The following DAB1 variants were observed in gnomAD, a reference collection of about 807,000 sequenced individuals.
DAB1 encodes the protein disabled homolog 1.
A neutral mutation model predicts 64.6 loss-of-function variants in DAB1; 15 were observed. That is an observed-to-expected ratio of 0.23 (90% CI 0.16 to 0.36). DAB1 has a LOEUF of 0.36. Among genes scored for constraint, DAB1 ranks in the 10% least tolerant of loss-of-function variants. The pLI is 1.00. For missense variants in DAB1, 596 were observed against 706.7 expected, an observed-to-expected ratio of 0.84 and a Z score of 1.78; for synonymous variants, 235 against 251.9, an observed-to-expected ratio of 0.93 and a Z score of 0.64.
intron 6 of DAB1, among the ~76,000 whole-genome samples, chr1:57,652,462 G>A (rs1375616455): frequency 2.0e-5 from 3 of 152,052 alleles, no homozygotes; most frequent in East Asian, 3.9e-4. Flanking sequence ...CCAGTCTTCC[G>A]TTAGCTGGCT....
chr1:57,513,122 G>A (rs971490477), intron 7 of DAB1, among the ~76,000 whole-genome samples: 2 of 148,624 alleles, frequency 1.3e-5, no homozygotes, highest in Non-Finnish European at 3.0e-5. Flanking sequence ...TTTAGGCACT[G>A]GTTCGTCTGA....
intron 2 of DAB1, among the ~76,000 whole-genome samples, chr1:57,225,662 G>A (rs1028293193): frequency 6.6e-6 from 1 of 152,172 alleles, no homozygotes; most frequent in Non-Finnish European, 1.5e-5. Flanking sequence ...AGATTGCAAT[G>A]TATTACTGTA....
At chr1:57,181,907 A>T (rs891456639) in intron 2 of DAB1, among the ~76,000 whole-genome samples, 1 of 152,176 alleles carries the variant, frequency 6.6e-6, no homozygotes, top group East Asian at 1.9e-4. Flanking sequence ...TTGTTTTGAG[A>T]TGGAGTCTCG....
chr1:57,985,661 G>T lies in DAB1; in HGVS notation n.388-101499C>A, dbSNP rs564193232. Among the ~76,000 whole-genome samples the T allele has an allele frequency of 2.6e-5, 4 of 151,432 alleles. No individual in the cohort carries two copies. In the East Asian group the frequency reaches 5.8e-4, roughly 22 times the overall value. ...CCCTCAAGAAAGAAAAAAAAAAAATGGCTGTGAGTATTAGCCACACTGGAG... is the reference window on the plus strand; with the variant it reads ...CCCTCAAGAAAGAAAAAAAAAAAATTGCTGTGAGTATTAGCCACACTGGAG... On this transcript the variant is annotated intron_variant and non_coding_transcript_variant, in intron 5 of 20. Transcript: ENST00000485760.
chr1:57,115,189 G>A (rs1656002578), intron 4 of DAB1, among the ~76,000 whole-genome samples: 2 of 152,306 alleles, frequency 1.3e-5, no homozygotes, highest in South Asian at 4.1e-4. Flanking sequence ...TTGTGGCTAA[G>A]AGGGTAGGCT....
At chr1:57,060,636 A>T (rs545992307) in intron 9 of DAB1, among the ~76,000 whole-genome samples, 1 of 152,188 alleles carries the variant, frequency 6.6e-6, no homozygotes, top group Non-Finnish European at 1.5e-5. Flanking sequence ...GTTCAGAGCG[A>T]AAGTCCAGAA....
At chr1:57,757,177 T>C (rs1648848225) in intron 6 of DAB1, among the ~76,000 whole-genome samples, 1 of 144,776 alleles carries the variant, frequency 6.9e-6, no homozygotes, top group Non-Finnish European at 1.5e-5. Context: ...GTGAGGTCCA[T>C]GCTGCTGGCC....
chr1:57,021,943 C>A (rs779266592), intron 11 of DAB1, among the ~76,000 whole-genome samples: 1 of 152,150 alleles, frequency 6.6e-6, no homozygotes, highest in Non-Finnish European at 1.5e-5. Flanking sequence ...CTTACACCTG[C>A]CCTCTGCCTG....
intron 9 of DAB1, among the ~76,000 whole-genome samples, chr1:57,051,079 G>A (rs1414050231): frequency 6.6e-6 from 1 of 152,132 alleles, no homozygotes; most frequent in African/African-American, 2.4e-5. Flanking sequence ...TTTTAATGTT[G>A]CTGTTAACTC....
At chr1:58,029,064 T>G (rs1239303768) in intron 5 of DAB1, among the ~76,000 whole-genome samples, 1 of 152,146 alleles carries the variant, frequency 6.6e-6, no homozygotes, top group Non-Finnish European at 1.5e-5. Context: ...CATAAAGGGT[T>G]GTTATAAGAA....
chr1:57,291,038 A>T lies in DAB1; in HGVS notation c.-8T>A. The T allele has an allele frequency of 6.2e-7, 1 of 1,608,234 alleles. No homozygotes were observed. The highest frequency in any genetic ancestry group is 2.2e-5 in the East Asian group (1 of 44,658). On this transcript the variant is annotated 5_prime_UTR_variant, in exon 2 of 15. Coordinates refer to ENST00000371236, the MANE Select transcript of DAB1 (RefSeq NM_001365792.1). ...TTCTGTCTCAGTTGACATCCTACTTAATCCTTAGTCCACTTCACACAGATC... is the reference window on the plus strand; with the variant it reads ...TTCTGTCTCAGTTGACATCCTACTTTATCCTTAGTCCACTTCACACAGATC...
At chr1:57,466,710 T>C (rs1451755837) in intron 7 of DAB1, among the ~76,000 whole-genome samples, 1 of 152,142 alleles carries the variant, frequency 6.6e-6, no homozygotes, top group African/African-American at 2.4e-5. Context: ...AGAATCAGCT[T>C]CCAAACCTAT....
intron 2 of DAB1, among the ~76,000 whole-genome samples, chr1:57,280,874 T>G (rs1365877044): frequency 6.6e-6 from 1 of 152,144 alleles, no homozygotes; most frequent in East Asian, 1.9e-4. Flanking sequence ...AATAATTAAT[T>G]CAACAAACAT....
chr1:57,334,304 G>T (rs1243199529), intron 1 of DAB1, among the ~76,000 whole-genome samples: 1 of 152,226 alleles, frequency 6.6e-6, no homozygotes, highest in South Asian at 2.1e-4. Flanking sequence ...TTGGGGTCAG[G>T]CTGCCCTGGG....
intron 9 of DAB1, among the ~76,000 whole-genome samples, chr1:57,042,465 A>G (rs533681678): frequency 2.3e-4 from 35 of 152,130 alleles, no homozygotes; most frequent in Non-Finnish European, 4.7e-4. Context: ...CAAAACCTCC[A>G]TGACCCTCAG....
chr1:57,251,186 T>C (rs1331063979), intron 2 of DAB1, among the ~76,000 whole-genome samples: 2 of 152,222 alleles, frequency 1.3e-5, no homozygotes, highest in Non-Finnish European at 2.9e-5. Context: ...TGAATGACCG[T>C]CCTTGAATAT....
At chr1:57,780,079 G>T (rs917791840) in intron 6 of DAB1, among the ~76,000 whole-genome samples, 3 of 152,138 alleles carry the variant, frequency 2.0e-5, no homozygotes, top group African/African-American at 7.2e-5. Flanking sequence ...AGGTCATAAT[G>T]GGATTTCATG....
chr1:57,499,943 A>T (rs950315386), intron 7 of DAB1, among the ~76,000 whole-genome samples: 1 of 152,234 alleles, frequency 6.6e-6, no homozygotes. Context: ...TGTTTTTCAC[A>T]TTGCAGATAC....
At chr1:57,203,641 G>C (rs1168767052) in intron 2 of DAB1, among the ~76,000 whole-genome samples, 1 of 152,208 alleles carries the variant, frequency 6.6e-6, no homozygotes, top group Non-Finnish European at 1.5e-5. Context: ...CTTGAAAGTG[G>C]AGAACAGGTT....
Sources: gnomAD v4.1 joint callset for allele counts (sites outside exome capture counted in the v4.1 genomes callset) on GRCh38, gnomAD v4.1.1 for gene constraint, MANE v1.5 for transcripts, NCBI Gene and HGNC (gene_info 2026-07-23, HGNC 2026-07-21) for gene names.